Variants in TMEM67 observed in about 807,000 individuals in gnomAD.
TMEM67 encodes the protein transmembrane protein 67, also known as meckelin.
A neutral mutation model predicts 136.6 loss-of-function variants in TMEM67; 124 were observed. That is an observed-to-expected ratio of 0.91 (90% CI 0.78 to 1.05). The LOEUF (loss-of-function observed/expected upper bound fraction) is 1.05. Ranked by LOEUF, TMEM67 falls within the 50% of genes least tolerant of loss-of-function variation. The pLI is 0.00. For missense variants in TMEM67, 1,107 were observed against 1,178.4 expected, an observed-to-expected ratio of 0.94 and a Z score of 0.89; for synonymous variants, 364 against 390.5, an observed-to-expected ratio of 0.93 and a Z score of 0.80.
At chr8:93,787,781 G>A (rs1006501156) in intron 13 of TMEM67, 63 bp from the exon 14 acceptor site, 2 of 1,252,576 alleles carry the variant, frequency 1.6e-6, no homozygotes, top group African/African-American at 3.0e-5. Flanking sequence ...GAAATGGTAA[G>A]TTAAATGTAT....
intron 11 of TMEM67, among the ~76,000 whole-genome samples, chr8:93,784,298 G>A (rs779967844): frequency 2.6e-5 from 4 of 152,050 alleles, no homozygotes; most frequent in East Asian, 1.9e-4. Flanking sequence ...GCATTTTATC[G>A]TTATTATCCC....
chr8:93,768,979 A>G (rs1212682494), intron 6 of TMEM67, among the ~76,000 whole-genome samples: 1 of 152,106 alleles, frequency 6.6e-6, no homozygotes, highest in Admixed American at 6.5e-5. Context: ...AATTAAAAAA[A>G]AAACAAAACC....
intron 7 of TMEM67, among the ~76,000 whole-genome samples, chr8:93,776,544 G>C (rs1370973596): frequency 6.6e-6 from 1 of 152,148 alleles, no homozygotes; most frequent in Non-Finnish European, 1.5e-5. Flanking sequence ...CTAGTTTATT[G>C]AGAGTTTTTA....
Position 93,809,166 on chromosome 8 carries a change from G to A in TMEM67, c.2661+5G>A, listed in dbSNP as rs863225239. The A allele has an allele frequency of 5.6e-6, 8 of 1,435,044 alleles. No individual in the cohort carries two copies. Among genetic ancestry groups the A allele is most frequent in the Non-Finnish European group, 7.9e-6 (8 of 1,018,288 alleles). 88.9% of individuals were successfully genotyped at this position (1,435,044 alleles called of 1,614,324 possible). A position where few individuals can be genotyped will look rare whatever the true frequency, so the allele number is the denominator to read the frequency against. On this transcript the variant is annotated splice_donor_5th_base_variant and intron_variant, in intron 25 of 27. Coordinates refer to ENST00000453321, the MANE Select transcript of TMEM67 (RefSeq NM_153704.6). Reference sequence around the variant, plus strand: ...CTTGGCTCCTTCATTGACCATGTATGTATGTCAACATTTATATTTAAGCTG... The same window carrying A: ...CTTGGCTCCTTCATTGACCATGTATATATGTCAACATTTATATTTAAGCTG...
intron 23 of TMEM67, 108 bp downstream of exon 23, chr8:93,804,986 T>G: frequency 1.4e-6 from 1 of 732,852 alleles, no homozygotes; most frequent in Admixed American, 2.1e-5. Context: ...CTTTTTTTTC[T>G]TTTTGAGATG....
At position 93,816,706 on chromosome 8, in the gene TMEM67, C is replaced by A; in HGVS notation, c.*254C>A. ...TACTGACAGTGAGGCCAAAAAAAAT[C>A]TAAATGTTGCTTTCAGCATAATACT... is the stretch of plus-strand genomic sequence containing the variant. On this transcript the variant is annotated 3_prime_UTR_variant, in exon 28 of 28. Transcript: ENST00000453321. 1 of 263,296 alleles carries A rather than the reference C, an allele frequency of 3.8e-6. No individual in the cohort carries two copies. The highest frequency in any genetic ancestry group is 7.2e-6 in the Non-Finnish European group (1 of 138,328). The allele number at this position is 263,296 out of a possible 1,614,324, so 16.3% of individuals were successfully genotyped here.
At chr8:93,785,668 T>C in intron 12 of TMEM67, 1 of 291,546 alleles carries the variant, frequency 3.4e-6, no homozygotes, top group Non-Finnish European at 6.3e-6. Context: ...CTGTCCCGAA[T>C]ATGCTTTTTT....
At chr8:93,762,653 ATTC>A (rs1812900920) in intron 3 of TMEM67, among the ~76,000 whole-genome samples, 1 of 152,062 alleles carries the variant, frequency 6.6e-6, no homozygotes, top group African/African-American at 2.4e-5. Context: ...TGGGGGGTGT[ATTC>A]TTAGGGATGG....
At chr8:93,762,493 G>A (rs1208467831) in intron 3 of TMEM67, among the ~76,000 whole-genome samples, 2 of 151,614 alleles carry the variant, frequency 1.3e-5, no homozygotes, top group Non-Finnish European at 2.9e-5. Context: ...CACCATGCCT[G>A]GTCTTATTTT....
At chr8:93,798,366 T>C (rs1271106440) in intron 20 of TMEM67, among the ~76,000 whole-genome samples, 5 of 152,358 alleles carry the variant, frequency 3.3e-5, no homozygotes, top group Admixed American at 2.6e-4. Flanking sequence ...TATTCTCCCC[T>C]GCATTAGAAT....
chr8:93,789,187 G>C (rs1006541544), intron 14 of TMEM67, among the ~76,000 whole-genome samples: 1 of 152,088 alleles, frequency 6.6e-6, no homozygotes, highest in Admixed American at 6.6e-5. Context: ...TGGCCTCTCT[G>C]TTGTGCTTCT....
At chr8:93,779,529 AGATGGGGTTTTGATGTG>A (rs912160272) in intron 7 of TMEM67, among the ~76,000 whole-genome samples, 2 of 152,140 alleles carry the variant, frequency 1.3e-5, no homozygotes, top group Non-Finnish European at 2.9e-5. Context: ...GGTGACCTAC[AGATGGGGTTTTGATGTG>A]GATGGGGTTT....
At chr8:93,767,112 C>G (rs1246951976) in intron 6 of TMEM67, among the ~76,000 whole-genome samples, 1 of 152,190 alleles carries the variant, frequency 6.6e-6, no homozygotes, top group Non-Finnish European at 1.5e-5. Context: ...CGATCTGGAA[C>G]TAGGTCCTCA....
the TMEM67 span, among the ~76,000 whole-genome samples, chr8:93,828,337 C>T: frequency 6.6e-6 from 1 of 152,086 alleles, no homozygotes; most frequent in East Asian, 1.9e-4. Context: ...TCATCATCAC[C>T]CCCAACAACA....
intron 14 of TMEM67, among the ~76,000 whole-genome samples, chr8:93,790,575 A>G (rs140908126): frequency 3.3e-5 from 5 of 152,284 alleles, no homozygotes; most frequent in East Asian, 3.9e-4. Context: ...GCTTGCTATT[A>G]TATCTCTTCT....
At chr8:93,798,105 ACT>A (rs1814702083) in intron 20 of TMEM67, among the ~76,000 whole-genome samples, 1 of 151,882 alleles carries the variant, frequency 6.6e-6, no homozygotes, top group Non-Finnish European at 1.5e-5. Context: ...CCCTTAAACA[ACT>A]CTGTACCCAT....
At chr8:93,779,895 T>C (rs1586039757) in intron 7 of TMEM67, among the ~76,000 whole-genome samples, 1 of 152,306 alleles carries the variant, frequency 6.6e-6, no homozygotes, top group Non-Finnish European at 1.5e-5. Context: ...GGAGAACCAC[T>C]GCTCTCTTCA....
intron 27 of TMEM67, 51 bp downstream of exon 27, chr8:93,815,498 A>G: frequency 6.7e-7 from 1 of 1,496,678 alleles, no homozygotes; most frequent in Non-Finnish European, 9.3e-7. Flanking sequence ...TGAGAGAAAT[A>G]TGTTAGAAGT....
intron 26 of TMEM67, 142 bp downstream of exon 26, chr8:93,810,029 C>T (rs973967095): frequency 3.8e-6 from 2 of 532,538 alleles, no homozygotes; most frequent in African/African-American, 2.0e-5. Flanking sequence ...AGTGCAGTGG[C>T]ACGATCTCAG....
Sources: gnomAD v4.1 joint callset for allele counts (sites outside exome capture counted in the v4.1 genomes callset) on GRCh38, gnomAD v4.1.1 for gene constraint, MANE v1.5 for transcripts, NCBI Gene and HGNC (gene_info 2026-07-23, HGNC 2026-07-21) for gene names.